LRMDA: variants seen among roughly 807,000 people sequenced by gnomAD.
The protein encoded by LRMDA is leucine-rich melanocyte differentiation-associated protein.
A neutral mutation model predicts 29.8 loss-of-function variants in LRMDA; 18 were observed. That is an observed-to-expected ratio of 0.60 (90% CI 0.42 to 0.90). The LOEUF (loss-of-function observed/expected upper bound fraction) is 0.90. LRMDA is among the 40% of genes least tolerant of loss of function. The pLI is 0.00. For missense variants in LRMDA, 273 were observed against 273.9 expected (o/e 1.00, Z 0.02); for synonymous variants, 125 against 109.4 (o/e 1.14, Z -0.89).
intron 5 of LRMDA, among the ~76,000 whole-genome samples, chr10:76,222,453 G>A (rs1429704674): frequency 2.0e-5 from 3 of 152,100 alleles, no homozygotes; most frequent in Non-Finnish European, 2.9e-5. Flanking sequence ...TCAAAAAGTG[G>A]GTGAAGGACA....
chr10:75,724,843 T>A (rs1274839910), intron 2 of LRMDA, among the ~76,000 whole-genome samples: 2 of 152,226 alleles, frequency 1.3e-5, no homozygotes, highest in Non-Finnish European at 2.9e-5. Flanking sequence ...TTCTCAGCCC[T>A]GTGTTGCTTG....
intron 2 of LRMDA, among the ~76,000 whole-genome samples, chr10:75,763,331 T>C (rs1843120811): frequency 6.6e-6 from 1 of 152,174 alleles, no homozygotes; most frequent in African/African-American, 2.4e-5. Context: ...ACAGGTATAA[T>C]AAGCCCAGGA....
intron 2 of LRMDA, among the ~76,000 whole-genome samples, chr10:76,006,264 G>A (rs947740313): frequency 2.2e-4 from 34 of 152,244 alleles, no homozygotes; most frequent in African/African-American, 8.2e-4. Context: ...CTCCCTGTGC[G>A]GCGGCTGAGG....
chr10:76,244,205 A>G (rs999866689), intron 5 of LRMDA, among the ~76,000 whole-genome samples: 2 of 152,160 alleles, frequency 1.3e-5, no homozygotes, highest in Admixed American at 6.5e-5. Flanking sequence ...AAGTTGGGTT[A>G]TTACACTTGT....
chr10:76,227,336 A>G (rs1851977592), intron 5 of LRMDA, among the ~76,000 whole-genome samples: 1 of 152,170 alleles, frequency 6.6e-6, no homozygotes, highest in South Asian at 2.1e-4. Flanking sequence ...TTTGATAATC[A>G]TCCTAAATCT....
intron 6 of LRMDA, among the ~76,000 whole-genome samples, chr10:76,406,158 A>G (rs2132502492): frequency 6.6e-6 from 1 of 152,316 alleles, no homozygotes; most frequent in East Asian, 1.9e-4. Flanking sequence ...GGTTTGGGAA[A>G]TATGGCCGGC....
At chr10:75,501,967 C>T (rs1005798084) in intron 2 of LRMDA, among the ~76,000 whole-genome samples, 1 of 152,120 alleles carries the variant, frequency 6.6e-6, no homozygotes, top group African/African-American at 2.4e-5. Flanking sequence ...CCTGTTTGTG[C>T]TGTCTTAAAT....
At chr10:76,085,839 C>T (rs1257325558) in intron 5 of LRMDA, among the ~76,000 whole-genome samples, 1 of 152,196 alleles carries the variant, frequency 6.6e-6, no homozygotes, top group African/African-American at 2.4e-5. Context: ...CCCTCACACT[C>T]ACACCCCCAT....
At chr10:76,362,468 A>G (rs907037134) in intron 6 of LRMDA, among the ~76,000 whole-genome samples, 1 of 152,244 alleles carries the variant, frequency 6.6e-6, no homozygotes, top group Admixed American at 6.5e-5. Context: ...TGAACATTCA[A>G]TACCCATTAA....
At chr10:75,896,118 G>A (rs557747265) in intron 2 of LRMDA, among the ~76,000 whole-genome samples, 1 of 152,312 alleles carries the variant, frequency 6.6e-6, no homozygotes, top group African/African-American at 2.4e-5. Flanking sequence ...AGCTATTACT[G>A]TTATGCTTCT....
At chr10:75,783,960 A>G (rs1485018600) in intron 2 of LRMDA, among the ~76,000 whole-genome samples, 1 of 152,242 alleles carries the variant, frequency 6.6e-6, no homozygotes, top group Non-Finnish European at 1.5e-5. Context: ...TGTCAAAAAC[A>G]TATTTCAGCA....
intron 2 of LRMDA, among the ~76,000 whole-genome samples, chr10:75,804,454 G>C (rs1035172145): frequency 5.3e-5 from 8 of 152,230 alleles, no homozygotes; most frequent in Non-Finnish European, 8.8e-5. Context: ...AGTGACTGGT[G>C]ACAAAAAATC....
chr10:76,383,486 A>G (rs989415062), intron 6 of LRMDA, among the ~76,000 whole-genome samples: 2 of 131,746 alleles, frequency 1.5e-5, no homozygotes, highest in African/African-American at 6.0e-5. Flanking sequence ...TGCGGACTGC[A>G]GTGGCGCAAT....
chr10:75,643,903 C>T (rs934621181), intron 2 of LRMDA, among the ~76,000 whole-genome samples: 1 of 152,156 alleles, frequency 6.6e-6, no homozygotes, highest in African/African-American at 2.4e-5. Flanking sequence ...ATTTTCCCCC[C>T]TAAGTTATTT....
chr10:75,790,229 T>A (rs1480421244), intron 2 of LRMDA, among the ~76,000 whole-genome samples: 1 of 152,194 alleles, frequency 6.6e-6, no homozygotes, highest in Admixed American at 6.5e-5. Flanking sequence ...AGATGCCAGT[T>A]GCATGGCCTT....
chr10:76,124,434 C>A (rs1028066833), intron 5 of LRMDA, among the ~76,000 whole-genome samples: 1 of 152,254 alleles, frequency 6.6e-6, no homozygotes, highest in Non-Finnish European at 1.5e-5. Flanking sequence ...CTTTCCTCTA[C>A]ACTTACTGCT....
chr10:75,496,736 A>G (rs1185998899), intron 2 of LRMDA, among the ~76,000 whole-genome samples: 2 of 152,150 alleles, frequency 1.3e-5, no homozygotes, highest in African/African-American at 4.8e-5. Flanking sequence ...GTTGAAGAGG[A>G]CTTCAAGCTG....
chr10:75,681,024 T>C (rs1341436574), intron 2 of LRMDA, among the ~76,000 whole-genome samples: 1 of 152,170 alleles, frequency 6.6e-6, no homozygotes, highest in Non-Finnish European at 1.5e-5. Flanking sequence ...AATTGGAACT[T>C]TCAGACCACT....
intron 2 of LRMDA, among the ~76,000 whole-genome samples, chr10:75,779,080 A>G (rs187558051): frequency 1.3e-5 from 2 of 152,312 alleles, no homozygotes; most frequent in African/African-American, 4.8e-5. Context: ...GGGTTCTGTG[A>G]TAATAAGTAA....
Sources: allele counts gnomAD v4.1 joint callset (sites outside exome capture counted in the v4.1 genomes callset), GRCh38; gene constraint gnomAD v4.1.1; transcripts MANE v1.5; gene names NCBI Gene and HGNC (gene_info 2026-07-23, HGNC 2026-07-21).